Variants in NUB1 observed in about 807,000 individuals in gnomAD.
NUB1 encodes NEDD8 ultimate buster 1.
Under a neutral mutation model 77.1 loss-of-function variants are expected in NUB1, and 41 were observed. That is an observed-to-expected ratio of 0.53 (90% CI 0.41 to 0.69). The LOEUF is 0.69. Ranked by LOEUF, NUB1 falls within the 30% of genes least tolerant of loss-of-function variation. The pLI, the probability that NUB1 is intolerant of heterozygous loss-of-function variation, is 0.00. For synonymous variants in NUB1, 257 were observed against 281.0 expected (o/e 0.91, Z 0.85); for missense variants, 643 against 743.8 (o/e 0.86, Z 1.58).
rs539181604 is a variant in NUB1 at position 151,346,781 on chromosome 7, A to G, written c.117+1315A>G. Among the ~76,000 whole-genome samples the G allele has an allele frequency of 9.2e-5, 14 of 152,350 alleles. No individual in the cohort carries two copies. In the South Asian group the frequency reaches 2.5e-3, roughly 27 times the overall value. Reference sequence around the variant, plus strand: ...GTATCCTTTGTAATGAACTATATTCATAAGTATACCATTTTCTGGAGTTCT... The same window carrying G: ...GTATCCTTTGTAATGAACTATATTCGTAAGTATACCATTTTCTGGAGTTCT... On this transcript the variant is annotated intron_variant, in intron 2 of 14. Coordinates refer to ENST00000568733, the MANE Select transcript of NUB1 (RefSeq NM_001243351.2).
Position 151,377,142 on chromosome 7 carries a change from T to C in NUB1, c.1765T>C (p.Ser589Pro), listed in dbSNP as rs1297680638. The change falls in exon 15 of 15, where the codon TCA (serine) becomes CCA (proline). Residue 589 changes from serine (S) to proline (P), a missense_variant. Ser to Pro is a moderately conservative substitution (Grantham distance 74). Transcript: ENST00000568733. The stretch of plus-strand genomic sequence containing the variant: ...AGAGCATGAGGAAGACTATCTTGAC[T>C]CAACTCTGGAAGATGAAGAAATTAT... Reference protein sequence around the residue: ...IPEHEEDYLDSTLEDEEIIIA... With the variant: ...IPEHEEDYLDPTLEDEEIIIA... 1.9e-6 allele frequency: 3 copies of C among 1,589,220 alleles called. No homozygotes were observed. The highest frequency in any genetic ancestry group is 2.6e-6 in the Non-Finnish European group (3 of 1,166,568).
chr7:151,345,692 C>A (rs908610659), intron 2 of NUB1, among the ~76,000 whole-genome samples: 2 of 152,140 alleles, frequency 1.3e-5, no homozygotes, highest in Non-Finnish European at 2.9e-5. Context: ...TTTTTAATAC[C>A]ATCACAGGAT....
chr7:151,364,426 CA>C (rs1797546413), intron 8 of NUB1, among the ~76,000 whole-genome samples: 2 of 51,524 alleles, frequency 3.9e-5, no homozygotes, highest in Non-Finnish European at 5.6e-5. Context: ...GTCTCAAAAA[CA>C]AAAACAAAAA....
chr7:151,376,582 TG>T (rs1472215454), intron 13 of NUB1, 51 bp from the exon 14 acceptor site: 1 of 1,509,316 alleles, frequency 6.6e-7, no homozygotes, highest in Non-Finnish European at 8.9e-7. Flanking sequence ...CTGACGGGGG[TG>T]GCAGAAGAGG....
intron 7 of NUB1, among the ~76,000 whole-genome samples, chr7:151,359,501 G>A (rs1437615304): frequency 2.1e-5 from 3 of 145,928 alleles, no homozygotes; most frequent in Non-Finnish European, 4.4e-5. Flanking sequence ...ACAAGCAGCC[G>A]GGCACCGTGG....
In NUB1 at chr7:151,349,240, A is replaced by T; in HGVS notation, c.285A>T (p.Lys95Asn). 1 of 1,604,894 alleles carries T rather than the reference A, an allele frequency of 6.2e-7. No individual in the cohort carries two copies. The highest frequency in any genetic ancestry group is 8.5e-7 in the Non-Finnish European group (1 of 1,176,484). ...TGTTTTTACCACCAAGACTAAAAAA[A>T]GTGAGTAATTTCCCTAAATTTGAGT... ...IEVFLPPRLKKDRKNLLETRL... is the reference protein window; with the variant it reads ...IEVFLPPRLKNDRKNLLETRL... The change falls in exon 3 of 15, where the codon AAA (lysine) becomes AAT (asparagine). Residue 95 changes from lysine to asparagine, a missense_variant and splice_region_variant. Lys to Asn is a moderately conservative substitution (Grantham distance 94). Coordinates refer to ENST00000568733, the MANE Select transcript of NUB1 (RefSeq NM_001243351.2).
At chr7:151,366,268 G>A (rs1797676672) in intron 8 of NUB1, among the ~76,000 whole-genome samples, 1 of 152,166 alleles carries the variant, frequency 6.6e-6, no homozygotes, top group African/African-American at 2.4e-5. Flanking sequence ...AATCAGCTGG[G>A]CCGTTAGAGC....
intron 7 of NUB1, among the ~76,000 whole-genome samples, chr7:151,358,908 C>CA (rs1214619335): frequency 1.3e-5 from 2 of 150,262 alleles, no homozygotes; most frequent in African/African-American, 4.9e-5. Context: ...ACTAAAAATA[C>CA]AAAAAAATTA....
intron 5 of NUB1, 55 bp from the exon 6 acceptor site, chr7:151,355,713 T>C: frequency 6.9e-7 from 1 of 1,459,270 alleles, no homozygotes; most frequent in Non-Finnish European, 9.2e-7. Context: ...AAATGGACTG[T>C]TACCTGGTAA....
At chr7:151,360,560 A>G (rs895037734) in intron 8 of NUB1, 3 of 239,568 alleles carry the variant, frequency 1.3e-5, no homozygotes, top group African/African-American at 2.2e-5. Flanking sequence ...TTGGGGTAGT[A>G]TTGATGATTA....
intron 11 of NUB1, 125 bp downstream of exon 11, chr7:151,369,012 C>CT (rs1000342289): frequency 0.038 from 36,333 of 945,584 alleles, no homozygotes; most frequent in South Asian, 0.053. Flanking sequence ...GAAACTTGTC[C>CT]TTTTTTTTTT....
intron 11 of NUB1, among the ~76,000 whole-genome samples, chr7:151,369,548 C>T (rs1448005345): frequency 6.6e-6 from 1 of 152,138 alleles, no homozygotes; most frequent in Non-Finnish European, 1.5e-5. Flanking sequence ...TATGAAAGCA[C>T]AGGTTAAAAA....
chr7:151,353,744 A>G (rs1342892297), intron 5 of NUB1, among the ~76,000 whole-genome samples: 1 of 152,228 alleles, frequency 6.6e-6, no homozygotes, highest in Non-Finnish European at 1.5e-5. Flanking sequence ...GCAGCCATCC[A>G]TACAAGCACT....
rs61734185 is a variant in NUB1 at position 151,345,361 on chromosome 7, G to T, written c.12G>T (p.Lys4Asn). The T allele has an allele frequency of 0.011, 18,057 of 1,609,544 alleles. 144 individuals carry two copies. The highest frequency in any genetic ancestry group is 0.013 in the Non-Finnish European group (15,789 of 1,176,702). MAQ[K>N]KYLQAKLTQF... ...TTTTGCTTTCAGGGATGGCACAAAAGAAATATCTTCAAGCAAAATTGACCC... is the reference window on the plus strand; with the variant it reads ...TTTTGCTTTCAGGGATGGCACAAAATAAATATCTTCAAGCAAAATTGACCC... The change falls in exon 2 of 15, where the codon AAG (lysine) becomes AAT (asparagine). Residue 4 changes from lysine to asparagine, a missense_variant. By Grantham distance (94) the Lys-to-Asn change is moderately conservative. Transcript: ENST00000568733.
At chr7:151,361,290 T>G (rs1168834213) in intron 8 of NUB1, 1 of 152,240 alleles carries the variant, frequency 6.6e-6, no homozygotes, top group Non-Finnish European at 1.5e-5. Context: ...TTTTCTTAAG[T>G]GTCATTATTA....
chr7:151,357,227 C>A (rs1797117406), intron 7 of NUB1, among the ~76,000 whole-genome samples: 1 of 146,404 alleles, frequency 6.8e-6, no homozygotes, highest in Non-Finnish European at 1.5e-5. Context: ...GCTCTGTTGC[C>A]ATTCTCCTGC....
At chr7:151,353,072 T>C (rs367547) in intron 5 of NUB1, among the ~76,000 whole-genome samples, 190 bp downstream of exon 5, 105,841 of 152,138 alleles carry the variant, frequency 0.7, 37,403 homozygotes, top group East Asian at 0.9. Flanking sequence ...TTACTGTCTG[T>C]TCTATGATAG....
intron 1 of NUB1, among the ~76,000 whole-genome samples, chr7:151,344,129 C>T (rs1232092310): frequency 1.0e-4 from 12 of 118,232 alleles, no homozygotes; most frequent in African/African-American, 1.6e-4. Flanking sequence ...TGCAGTGAGC[C>T]GAGATTGTAC....
Position 151,373,874 on chromosome 7 carries a change from C to T in NUB1, c.1249-223C>T, listed in dbSNP as rs1053530786. Among the ~76,000 whole-genome samples the T allele has an allele frequency of 2.6e-5, 4 of 152,234 alleles. No homozygotes were observed. In the East Asian group the frequency reaches 7.7e-4, roughly 29 times the overall value. On this transcript the variant is annotated intron_variant, in intron 11 of 14. Coordinates refer to ENST00000568733, the MANE Select transcript of NUB1 (RefSeq NM_001243351.2). ...CCTCCTTCCTGCCCCACGGGCATCT[C>T]ACTTCCACTGCCTGCCTCAGAAGCA...
Sources: allele counts gnomAD v4.1 joint callset (sites outside exome capture counted in the v4.1 genomes callset), GRCh38; gene constraint gnomAD v4.1.1; transcripts MANE v1.5; gene names NCBI Gene and HGNC (gene_info 2026-07-23, HGNC 2026-07-21).